The following SUPT3H variants were observed in gnomAD, a reference collection of about 807,000 sequenced individuals.
SUPT3H encodes transcription initiation protein SPT3 homolog.
A neutral mutation model predicts 44.3 loss-of-function variants in SUPT3H; 44 were observed. The ratio of observed to expected loss-of-function variants is 0.99; its 90% CI spans 0.78 to 1.28. SUPT3H has a LOEUF of 1.28. SUPT3H is among the 50% of genes most tolerant of loss of function. The probability of loss-of-function intolerance (pLI) is 0.00; values close to 1 mark genes in which losing one functional copy is unlikely to be tolerated. For missense variants in SUPT3H, 380 were observed against 387.1 expected (o/e 0.98, Z 0.15); for synonymous variants, 124 against 125.6 (o/e 0.99, Z 0.09).
At chr6:45,041,587 A>G (rs1296479285) in intron 3 of SUPT3H, among the ~76,000 whole-genome samples, 2 of 152,208 alleles carry the variant, frequency 1.3e-5, no homozygotes, top group Non-Finnish European at 2.9e-5. Flanking sequence ...AATGAATAAT[A>G]AATGCCAAAT....
chr6:45,102,366 A>T (rs971744116), intron 3 of SUPT3H, among the ~76,000 whole-genome samples: 1 of 152,144 alleles, frequency 6.6e-6, no homozygotes, highest in African/African-American at 2.4e-5. Context: ...GCAGAAAGCA[A>T]TAAGAATTAA....
intron 2 of SUPT3H, among the ~76,000 whole-genome samples, chr6:45,287,430 GAA>G (rs1779507529): frequency 1.3e-5 from 2 of 152,138 alleles, no homozygotes; most frequent in South Asian, 4.1e-4. Context: ...GCCTTAAAAA[GAA>G]AGGAAATTCT....
chr6:44,941,208 G>A (rs1270494464), intron 9 of SUPT3H, among the ~76,000 whole-genome samples: 1 of 151,934 alleles, frequency 6.6e-6, no homozygotes, highest in Non-Finnish European at 1.5e-5. Context: ...TTCCTTCTTT[G>A]TGTGATATTT....
intron 3 of SUPT3H, among the ~76,000 whole-genome samples, chr6:45,104,751 A>G (rs1208491591): frequency 6.6e-6 from 1 of 152,092 alleles, no homozygotes; most frequent in Non-Finnish European, 1.5e-5. Context: ...AAGAAGAAAA[A>G]TATTAAAACA....
intron 10 of SUPT3H, among the ~76,000 whole-genome samples, chr6:44,900,696 A>G (rs987372637): frequency 6.6e-6 from 1 of 152,162 alleles, no homozygotes; most frequent in African/African-American, 2.4e-5. Context: ...GCATGCAGTT[A>G]GAGATCTGAG....
intron 3 of SUPT3H, chr6:45,097,594 G>T (rs1392127587): frequency 6.6e-6 from 1 of 152,208 alleles, no homozygotes; most frequent in Non-Finnish European, 1.5e-5. Context: ...ATCTCAAAGA[G>T]ATCCACTGTT....
Position 45,095,176 on chromosome 6 carries a change from T to C in SUPT3H, c.186+10746A>G, listed in dbSNP as rs1022754971. Among the ~76,000 whole-genome samples the C allele has an allele frequency of 2.6e-5, 4 of 152,134 alleles. No individual in the cohort carries two copies. The highest frequency in any genetic ancestry group is 4.8e-5 in the African/African-American group (2 of 41,450). ...ACGTTTAGTTAGCAAGAAGACTGTT[T>C]CCATCCTATGATTCATTAGGTCCCC... On this transcript the variant is annotated intron_variant, in intron 3 of 10. Transcript: ENST00000371459. This position sits in a 1 kb window ranked among gnomAD's most constrained non-coding sequence, Gnocchi z 4.1.
chr6:45,106,066 GT>G, intron 2 of SUPT3H, 60 bp from the exon 3 acceptor site: 1 of 1,324,380 alleles, frequency 7.6e-7, no homozygotes, highest in East Asian at 2.3e-5. Context: ...AAGGCAAAAA[GT>G]GAAACATTTA....
chr6:44,822,250 G>A (rs1767379662), downstream of SUPT3H, among the ~76,000 whole-genome samples: 1 of 152,140 alleles, frequency 6.6e-6, no homozygotes, highest in Non-Finnish European at 1.5e-5. Flanking sequence ...TGAAGGAATG[G>A]CTATAAAGAA....
intron 2 of SUPT3H, among the ~76,000 whole-genome samples, chr6:45,145,806 A>T (rs1342538105): frequency 6.6e-6 from 1 of 152,158 alleles, no homozygotes; most frequent in Non-Finnish European, 1.5e-5. Context: ...ATGAACTCAC[A>T]AAAATCAGCA....
chr6:44,855,497 C>A (rs1202116592), intron 10 of SUPT3H, among the ~76,000 whole-genome samples: 1 of 152,114 alleles, frequency 6.6e-6, no homozygotes, highest in East Asian at 1.9e-4. Context: ...TATCTTTTCA[C>A]TACTTCTGTG....
intron 5 of SUPT3H, among the ~76,000 whole-genome samples, chr6:45,005,700 CAAA>C (rs67476240): frequency 7.6e-6 from 1 of 130,956 alleles, no homozygotes. Context: ...AAACTCGTCT[CAAA>C]AAAAAAAAAA....
At chr6:44,930,008 G>A (rs1344947454) in intron 10 of SUPT3H, among the ~76,000 whole-genome samples, 6 of 152,090 alleles carry the variant, frequency 3.9e-5, no homozygotes, top group Non-Finnish European at 8.8e-5. Context: ...AGCACTTTGC[G>A]AGGCCGAGGT....
At chr6:44,898,979 C>T (rs549111794) in intron 10 of SUPT3H, 1 of 152,228 alleles carries the variant, frequency 6.6e-6, no homozygotes, top group South Asian at 2.1e-4. Flanking sequence ...GACTTGAAAA[C>T]TCTGCCCCCC....
At chr6:45,333,461 T>C (rs1250188540) in intron 2 of SUPT3H, among the ~76,000 whole-genome samples, 2 of 151,516 alleles carry the variant, frequency 1.3e-5, no homozygotes, top group Admixed American at 6.6e-5. Context: ...TTTCCTCCCC[T>C]TTATACTATT....
intron 2 of SUPT3H, among the ~76,000 whole-genome samples, chr6:45,173,881 C>G (rs73451303): frequency 1.3e-5 from 2 of 152,112 alleles, no homozygotes; most frequent in Non-Finnish European, 2.9e-5. Context: ...TTTTACAGTA[C>G]TGCTCACCTT....
At chr6:45,314,103 T>C (rs760172332) in intron 2 of SUPT3H, among the ~76,000 whole-genome samples, 12 of 152,094 alleles carry the variant, frequency 7.9e-5, no homozygotes, top group Non-Finnish European at 2.9e-5. Flanking sequence ...CCCTTTATGA[T>C]CAAAACCCTC....
At chr6:45,294,752 A>C (rs1338050243) in intron 2 of SUPT3H, among the ~76,000 whole-genome samples, 3 of 144,118 alleles carry the variant, frequency 2.1e-5, no homozygotes, top group Non-Finnish European at 3.1e-5. Flanking sequence ...AAAAAAAAAA[A>C]AAAAAAAAAA....
chr6:45,077,637 AAAAAAG>A (rs1795187096), intron 3 of SUPT3H, among the ~76,000 whole-genome samples: 7 of 86,552 alleles, frequency 8.1e-5, no homozygotes, highest in Admixed American at 7.9e-4. Context: ...AAAAAAAAAA[AAAAAAG>A]AAAAGAAAAA....
Sources: gnomAD v4.1 joint callset for allele counts (sites outside exome capture counted in the v4.1 genomes callset) on GRCh38, gnomAD v4.1.1 for gene constraint, Gnocchi (gnomAD v3.1) non-coding constraint, MANE v1.5 for transcripts, NCBI Gene and HGNC (gene_info 2026-07-23, HGNC 2026-07-21) for gene names.